Variants in DERA observed in about 807,000 individuals in gnomAD.
DERA encodes deoxyribose-phosphate aldolase, also known as 2-deoxy-D-ribose 5-phosphate aldolase.
In DERA, 15 loss-of-function variants were observed where a neutral mutation model predicts 41.1. The observed-to-expected ratio is 0.37, with a 90% CI of 0.24 to 0.56. DERA has a LOEUF of 0.56. DERA is among the 20% of genes least tolerant of loss of function. DERA has a pLI of 0.81. For missense variants in DERA, 396 were observed against 403.4 expected (o/e 0.98, Z 0.16); for synonymous variants, 139 against 137.4 (o/e 1.01, Z -0.08).
rs1948420991 is a variant in DERA, at chr12:15,943,182, A to T, written c.32-13754A>T. Among the ~76,000 whole-genome samples the T allele has an allele frequency of 6.6e-6, 1 of 152,248 alleles. No individual in the cohort carries two copies. The highest frequency in any genetic ancestry group is 1.5e-5 in the Non-Finnish European group (1 of 68,042). On this transcript the variant is annotated intron_variant, in intron 1 of 8. Transcript: ENST00000428559. The surrounding 1 kb of genome is among the most constrained non-coding windows in gnomAD (Gnocchi z 4.5). ...GAATTTTGTGCTTTGTGAATCTTACAGATGCTTCTGAATCTTTGACTTTTC... is the reference window on the plus strand; with the variant it reads ...GAATTTTGTGCTTTGTGAATCTTACTGATGCTTCTGAATCTTTGACTTTTC...
chr12:15,968,378 T>A (rs1306642512), intron 5 of DERA, among the ~76,000 whole-genome samples: 1 of 152,214 alleles, frequency 6.6e-6, no homozygotes, highest in Admixed American at 6.5e-5. Flanking sequence ...GTGCATCTGC[T>A]TCCTGTGCTC....
rs1395207566 is a variant in DERA at position 15,941,698 on chromosome 12, CATT to C, written c.32-15234_32-15232del. Among the ~76,000 whole-genome samples the C allele has an allele frequency of 6.6e-6, 1 of 152,182 alleles. No individual in the cohort carries two copies. The highest frequency in any genetic ancestry group is 1.5e-5 in the Non-Finnish European group (1 of 68,040). ...GCTCCACCCAAGTTGCTGCAAAAGA[CATT>C]ATTTCGTTTCCTTTTATGGCTCAGT... On this transcript the variant is annotated intron_variant, in intron 1 of 8. Coordinates refer to ENST00000428559, the MANE Select transcript of DERA (RefSeq NM_015954.4). This position sits in a 1 kb window ranked among gnomAD's most constrained non-coding sequence, Gnocchi z 4.5.
Position 15,992,422 on chromosome 12 carries a change from A to C in DERA, c.637+9986A>C, listed in dbSNP as rs1565607663. Among the ~76,000 whole-genome samples, 1 of 152,158 alleles carries C rather than the reference A, an allele frequency of 6.6e-6. No individual in the cohort carries two copies. The highest frequency in any genetic ancestry group is 1.5e-5 in the Non-Finnish European group (1 of 67,990). ...TAAAGCAATGTAAGGTATGACAAGGATATTAATGATCTGTAAGAATGTGGA... is the reference window on the plus strand; with the variant it reads ...TAAAGCAATGTAAGGTATGACAAGGCTATTAATGATCTGTAAGAATGTGGA... On this transcript the variant is annotated intron_variant, in intron 6 of 8. Coordinates refer to ENST00000428559, the MANE Select transcript of DERA (RefSeq NM_015954.4). This position sits in a 1 kb window ranked among gnomAD's most constrained non-coding sequence, Gnocchi z 4.3.
rs144092206 is a variant in DERA, at chr12:15,971,346, A to G, written c.508+8399A>G. 8.4e-3 allele frequency among the ~76,000 whole-genome samples: 1,286 copies of G among 152,218 alleles called. 26 individuals carry two copies. Among genetic ancestry groups the G allele is most frequent in the African/African-American group, 0.029 (1,211 of 41,522 alleles). ...TCAGGTAAACTGCTGGCCAACTGGT[A>G]TGTCTGCTGGAATTTCTGGAGGTGG... is the stretch of plus-strand genomic sequence containing the variant. On this transcript the variant is annotated intron_variant, in intron 5 of 8. Coordinates refer to ENST00000428559, the MANE Select transcript of DERA (RefSeq NM_015954.4).
Position 16,036,544 on chromosome 12 carries a change from G to A in DERA, c.901-146G>A. ...GCAAACCGCCATCAGAAGTGAGTAG[G>A]GTGGAGATTCTGCTGAAGCACATAC... On this transcript the variant is annotated intron_variant, in intron 8 of 8. Coordinates refer to ENST00000428559, the MANE Select transcript of DERA (RefSeq NM_015954.4). This position sits in a 1 kb window ranked among gnomAD's most constrained non-coding sequence, Gnocchi z 4.9. 1 of 998,766 alleles carries A rather than the reference G, an allele frequency of 1.0e-6. No homozygotes were observed. Among genetic ancestry groups the A allele is most frequent in the Non-Finnish European group, 1.5e-6 (1 of 684,264 alleles). The allele number at this position is 998,766 out of a possible 1,614,324, so 61.9% of individuals were successfully genotyped here.
At chr12:15,987,825 G>A (rs1405757160) in intron 6 of DERA, among the ~76,000 whole-genome samples, 2 of 151,960 alleles carry the variant, frequency 1.3e-5, no homozygotes, top group Non-Finnish European at 2.9e-5. Flanking sequence ...CACCCACTTG[G>A]CCCGGCAGGC....
chr12:16,035,686 C>T lies in DERA; in HGVS notation c.751-546C>T, dbSNP rs960853032. 2.6e-5 allele frequency among the ~76,000 whole-genome samples: 4 copies of T among 152,186 alleles called. No homozygotes were observed. Among genetic ancestry groups the T allele is most frequent in the African/African-American group, 9.6e-5 (4 of 41,462 alleles). On this transcript the variant is annotated intron_variant, in intron 7 of 8. Coordinates refer to ENST00000428559, the MANE Select transcript of DERA (RefSeq NM_015954.4). The surrounding 1 kb of genome is among the most constrained non-coding windows in gnomAD (Gnocchi z 4.1). The stretch of plus-strand genomic sequence containing the variant: ...CCTGCAACTTAGAAAAAAAATCCCA[C>T]AGTTAAATTGGTTAAAACAACTGTC...
intron 6 of DERA, among the ~76,000 whole-genome samples, chr12:16,007,994 G>C (rs759829799): frequency 7.9e-5 from 12 of 152,100 alleles, no homozygotes; most frequent in Admixed American, 6.6e-5. Context: ...GAGATTACAG[G>C]TGTGTGCCAC....
At chr12:15,932,630 A>C (rs547578592) in intron 1 of DERA, among the ~76,000 whole-genome samples, 15 of 151,872 alleles carry the variant, frequency 9.9e-5, no homozygotes, top group Middle Eastern at 6.8e-3. Context: ...AGTAACAGTG[A>C]GAACCTGTTT....
chr12:16,021,742 G>A lies in DERA; in HGVS notation c.638-10800G>A, dbSNP rs138827473. Reference sequence around the variant, plus strand: ...TTTGGAGCTTTAAGACTTAATGACTGCCCTGCTGAGTTTGGGGCTTGTATG... The same window carrying A: ...TTTGGAGCTTTAAGACTTAATGACTACCCTGCTGAGTTTGGGGCTTGTATG... On this transcript the variant is annotated intron_variant, in intron 6 of 8. Transcript: ENST00000428559. This position sits in a 1 kb window ranked among gnomAD's most constrained non-coding sequence, Gnocchi z 5.3. Among the ~76,000 whole-genome samples, 29 of 152,322 alleles carry A rather than the reference G, an allele frequency of 1.9e-4. No homozygotes were observed. Among genetic ancestry groups the A allele is most frequent in the African/African-American group, 5.8e-4 (24 of 41,562 alleles).
At position 15,954,021 on chromosome 12, in the gene DERA, A is replaced by G. The variant is rs1341224004; in HGVS notation, c.32-2915A>G. 1.3e-5 allele frequency among the ~76,000 whole-genome samples: 2 copies of G among 152,218 alleles called. No individual in the cohort carries two copies. Among genetic ancestry groups the G allele is most frequent in the African/African-American group, 4.8e-5 (2 of 41,460 alleles). On this transcript the variant is annotated intron_variant, in intron 1 of 8. Transcript: ENST00000428559. The surrounding 1 kb of genome is among the most constrained non-coding windows in gnomAD (Gnocchi z 4.0). ...ACTGTGAGAGAAGAAATCCTATTAC[A>G]TTCTCCAGTAGATGGTTTGCAGGGA...
rs1278608113 is a variant in DERA at position 15,922,111 on chromosome 12, T to C, written c.31+10697T>C. Among the ~76,000 whole-genome samples the C allele has an allele frequency of 6.6e-6, 1 of 152,180 alleles. No individual in the cohort carries two copies. The highest frequency in any genetic ancestry group is 2.1e-4 in the South Asian group (1 of 4,832). ...AGTACTGTGAACTCATCACTGTCCA[T>C]GTCTTTGTGAAAGCTATAAGAGCAA... On this transcript the variant is annotated intron_variant, in intron 1 of 8. Coordinates refer to ENST00000428559, the MANE Select transcript of DERA (RefSeq NM_015954.4). The surrounding 1 kb of genome is among the most constrained non-coding windows in gnomAD (Gnocchi z 4.9).
In DERA at chr12:15,940,182, A is replaced by G. The variant is rs1006550059; in HGVS notation, c.32-16754A>G. On this transcript the variant is annotated intron_variant, in intron 1 of 8. Transcript: ENST00000428559. This position sits in a 1 kb window ranked among gnomAD's most constrained non-coding sequence, Gnocchi z 5.1. Reference sequence around the variant, plus strand: ...TCAGTTATTTTATCTTCAGCAAAATAGACTTCCGGTTTTTTTATTTGATAA... The same window carrying G: ...TCAGTTATTTTATCTTCAGCAAAATGGACTTCCGGTTTTTTTATTTGATAA... Among the ~76,000 whole-genome samples the G allele has an allele frequency of 5.3e-5, 8 of 152,216 alleles. No homozygotes were observed. Among genetic ancestry groups the G allele is most frequent in the Admixed American group, 5.2e-4 (8 of 15,288 alleles).
Position 15,921,787 on chromosome 12 carries a change from T to C in DERA, c.31+10373T>C, listed in dbSNP as rs1948245903. Among the ~76,000 whole-genome samples the C allele has an allele frequency of 1.3e-5, 2 of 151,882 alleles. No homozygotes were observed. The highest frequency in any genetic ancestry group is 4.2e-4 in the South Asian group (2 of 4,812). ...AAATACATAAAAAAATTAACCGGGC[T>C]TGGTGGCGAGCGCCTGTAATCCCAG... On this transcript the variant is annotated intron_variant, in intron 1 of 8. Coordinates refer to ENST00000428559, the MANE Select transcript of DERA (RefSeq NM_015954.4). This position sits in a 1 kb window ranked among gnomAD's most constrained non-coding sequence, Gnocchi z 5.3.
intron 3 of DERA, among the ~76,000 whole-genome samples, chr12:15,958,624 T>G (rs1473067028): frequency 6.6e-6 from 1 of 152,036 alleles, no homozygotes; most frequent in African/African-American, 2.4e-5. Flanking sequence ...AATTTCTGTT[T>G]AGTGACACTG....
chr12:15,944,621 G>A (rs1241365420), intron 1 of DERA, among the ~76,000 whole-genome samples: 1 of 152,118 alleles, frequency 6.6e-6, no homozygotes, highest in East Asian at 1.9e-4. Context: ...TGTATATTCT[G>A]GATATTAGCC....
At chr12:16,031,572 G>A (rs1949092469) in intron 6 of DERA, among the ~76,000 whole-genome samples, 1 of 152,154 alleles carries the variant, frequency 6.6e-6, no homozygotes, top group Admixed American at 6.5e-5. Flanking sequence ...CGTGCTGCTG[G>A]TACATCTTCC....
At position 15,990,616 on chromosome 12, in the gene DERA, CAA is replaced by C. The variant is rs1565607012; in HGVS notation, c.637+8183_637+8184del. On this transcript the variant is annotated intron_variant, in intron 6 of 8. Transcript: ENST00000428559. The surrounding 1 kb of genome is among the most constrained non-coding windows in gnomAD (Gnocchi z 4.3). ...CTTCCTCCTTCCACCCTCCAAACTC[CAA>C]AAGACCCCAGTGTCTGTTATTCTCC... is the stretch of plus-strand genomic sequence containing the variant. Among the ~76,000 whole-genome samples the C allele has an allele frequency of 1.3e-5, 2 of 152,006 alleles. No individual in the cohort carries two copies. The highest frequency in any genetic ancestry group is 4.8e-5 in the African/African-American group (2 of 41,390).
rs528994851 is a variant in DERA, at chr12:15,911,973, T to G, written c.31+559T>G. Among the ~76,000 whole-genome samples, 32 of 152,270 alleles carry G rather than the reference T, an allele frequency of 2.1e-4. No homozygotes were observed. Among genetic ancestry groups the G allele is most frequent in the African/African-American group, 7.2e-4 (30 of 41,560 alleles). ...CCTGTATTATTTCCCAGTTTTCATC[T>G]TTTTTTATATTGTTCAAATACTGGC... On this transcript the variant is annotated intron_variant, in intron 1 of 8. Coordinates refer to ENST00000428559, the MANE Select transcript of DERA (RefSeq NM_015954.4). The surrounding 1 kb of genome is among the most constrained non-coding windows in gnomAD (Gnocchi z 4.5).
Sources: allele counts gnomAD v4.1 joint callset (sites outside exome capture counted in the v4.1 genomes callset), GRCh38; gene constraint gnomAD v4.1.1; non-coding constraint Gnocchi (gnomAD v3.1); transcripts MANE v1.5; gene names NCBI Gene and HGNC (gene_info 2026-07-23, HGNC 2026-07-21).